Variants in UBE2E2 observed in about 807,000 individuals in gnomAD.
The protein encoded by UBE2E2 is ubiquitin conjugating enzyme E2 E2.
Under a neutral mutation model 24.7 loss-of-function variants are expected in UBE2E2, and 6 were observed. That is an observed-to-expected ratio of 0.24 (90% CI 0.13 to 0.48). UBE2E2 has a LOEUF of 0.48. Among genes scored for constraint, UBE2E2 ranks in the 20% least tolerant of loss-of-function variants. The probability of loss-of-function intolerance (pLI) is 0.99; values close to 1 mark genes in which losing one functional copy is unlikely to be tolerated. For missense variants in UBE2E2, 169 were observed against 245.0 expected, an observed-to-expected ratio of 0.69 and a Z score of 2.07; for synonymous variants, 104 against 83.6, an observed-to-expected ratio of 1.24 and a Z score of -1.33.
At chr3:23,208,651 G>A (rs1413383016) in intron 1 of UBE2E2, 41 bp from the exon 2 acceptor site, 3 of 1,521,318 alleles carry the variant, frequency 2.0e-6, no homozygotes, top group Non-Finnish European at 1.8e-6. Context: ...GTAGCTTACT[G>A]TAGTACAGCT....
At chr3:23,388,727 C>G (rs563096838) in intron 3 of UBE2E2, among the ~76,000 whole-genome samples, 1 of 152,074 alleles carries the variant, frequency 6.6e-6, no homozygotes, top group African/African-American at 2.4e-5. Context: ...ATAATTCAGG[C>G]CAGGCACAGT....
intron 3 of UBE2E2, among the ~76,000 whole-genome samples, chr3:23,330,269 T>C (rs1260582985): frequency 6.6e-6 from 1 of 152,252 alleles, no homozygotes; most frequent in African/African-American, 2.4e-5. Flanking sequence ...AATGTAATAC[T>C]TTCAATTACA....
At chr3:23,551,170 A>C (rs1695634157) in intron 5 of UBE2E2, among the ~76,000 whole-genome samples, 1 of 152,218 alleles carries the variant, frequency 6.6e-6, no homozygotes, top group Non-Finnish European at 1.5e-5. Context: ...TGCAGTGTTC[A>C]ACATTCCATA....
intron 5 of UBE2E2, among the ~76,000 whole-genome samples, chr3:23,561,753 A>G (rs1298874656): frequency 1.4e-4 from 21 of 152,124 alleles, no homozygotes; most frequent in Admixed American, 1.4e-3. Context: ...TTCATTGAGC[A>G]GTGGTTTGTG....
At chr3:23,372,866 T>C (rs1203968569) in intron 3 of UBE2E2, among the ~76,000 whole-genome samples, 1 of 152,238 alleles carries the variant, frequency 6.6e-6, no homozygotes, top group Non-Finnish European at 1.5e-5. Context: ...TAGCTAGCCA[T>C]GGACAGAGAC....
intron 3 of UBE2E2, among the ~76,000 whole-genome samples, chr3:23,429,522 A>C (rs1698005301): frequency 6.6e-6 from 1 of 152,228 alleles, no homozygotes; most frequent in South Asian, 2.1e-4. Flanking sequence ...CAACAGGCTA[A>C]AGAAAATTCT....
intron 3 of UBE2E2, among the ~76,000 whole-genome samples, chr3:23,337,207 T>C (rs907773582): frequency 6.6e-6 from 1 of 151,652 alleles, no homozygotes; most frequent in Non-Finnish European, 1.5e-5. Flanking sequence ...AGCTAGGCAA[T>C]ATAATGCAGC....
At chr3:23,290,609 G>T (rs553038013) in intron 3 of UBE2E2, among the ~76,000 whole-genome samples, 10 of 152,098 alleles carry the variant, frequency 6.6e-5, no homozygotes, top group Non-Finnish European at 1.3e-4. Context: ...AACGTGCCCA[G>T]TTAAGGACCA....
At chr3:23,291,814 C>G (rs1225045670) in intron 3 of UBE2E2, among the ~76,000 whole-genome samples, 1 of 138,368 alleles carries the variant, frequency 7.2e-6, no homozygotes, top group Non-Finnish European at 1.5e-5. Context: ...TTCTGAGTAA[C>G]TGGAATTACA....
chr3:23,468,305 C>G (rs568121690), intron 3 of UBE2E2, among the ~76,000 whole-genome samples: 26 of 152,262 alleles, frequency 1.7e-4, no homozygotes, highest in African/African-American at 3.9e-4. Context: ...TCTCTACTTC[C>G]TTGATTCAAA....
chr3:23,489,170 T>C (rs1025708001), intron 3 of UBE2E2, among the ~76,000 whole-genome samples: 2 of 152,192 alleles, frequency 1.3e-5, no homozygotes, highest in Admixed American at 1.3e-4. Context: ...ACAGACGGCA[T>C]GGGTCGGGGA....
intron 3 of UBE2E2, among the ~76,000 whole-genome samples, chr3:23,446,096 C>G (rs1363678513): frequency 6.6e-6 from 1 of 152,208 alleles, no homozygotes; most frequent in Non-Finnish European, 1.5e-5. Flanking sequence ...GCTACAGAGT[C>G]TTCTTTATCA....
intron 3 of UBE2E2, among the ~76,000 whole-genome samples, chr3:23,448,833 G>A (rs1698490994): frequency 6.6e-6 from 1 of 152,160 alleles, no homozygotes; most frequent in African/African-American, 2.4e-5. Context: ...CCAGAGATTA[G>A]GAGATTAAGT....
chr3:23,385,089 C>A (rs937661183), intron 3 of UBE2E2, among the ~76,000 whole-genome samples: 1 of 152,178 alleles, frequency 6.6e-6, no homozygotes, highest in African/African-American at 2.4e-5. Context: ...CACTACCACA[C>A]CTGGCCAATG....
intron 3 of UBE2E2, among the ~76,000 whole-genome samples, chr3:23,361,869 A>G (rs1192180666): frequency 6.6e-6 from 1 of 152,246 alleles, no homozygotes; most frequent in Non-Finnish European, 1.5e-5. Flanking sequence ...CTTTAGCCAT[A>G]GAACCATTTT....
chr3:23,480,123 G>A (rs73043636), intron 3 of UBE2E2, among the ~76,000 whole-genome samples: 41,486 of 152,080 alleles, frequency 0.27, 5,952 homozygotes, highest in East Asian at 0.36. Context: ...GCCAAGAGGC[G>A]CCCACAGGTC....
At chr3:23,423,172 A>G (rs1697844351) in intron 3 of UBE2E2, among the ~76,000 whole-genome samples, 1 of 152,214 alleles carries the variant, frequency 6.6e-6, no homozygotes, top group Admixed American at 6.5e-5. Context: ...AAGCTTTTAG[A>G]GTCTCTGAAG....
At chr3:23,235,153 A>AAAAAC (rs772055944) in intron 3 of UBE2E2, among the ~76,000 whole-genome samples, 4 of 152,182 alleles carry the variant, frequency 2.6e-5, no homozygotes, top group Non-Finnish European at 5.9e-5. Context: ...GAACTTGTTT[A>AAAAAC]AAAACAAAAC....
rs562431523 is a variant in UBE2E2, at chr3:23,360,645, G to A, written c.228-138963G>A. ...TCCAGTTAATACTTCATTTTCCAGT[G>A]GTGTCAAATAAATGAGGTACAGCTA... On this transcript the variant is annotated intron_variant, in intron 3 of 5. Transcript: ENST00000396703. Among the ~76,000 whole-genome samples, 25 of 152,104 alleles carry A rather than the reference G, an allele frequency of 1.6e-4. 2 individuals carry two copies. Among genetic ancestry groups the A allele is most frequent in the African/African-American group, 5.8e-4 (24 of 41,492 alleles).
Sources: gnomAD v4.1 joint callset for allele counts (sites outside exome capture counted in the v4.1 genomes callset) on GRCh38, gnomAD v4.1.1 for gene constraint, MANE v1.5 for transcripts, NCBI Gene and HGNC (gene_info 2026-07-23, HGNC 2026-07-21) for gene names.